BAIAP2: variants seen among roughly 807,000 people sequenced by gnomAD.
The protein encoded by BAIAP2 is BAR/IMD domain containing adaptor protein 2, also known as BAR/IMD domain-containing adapter protein 2.
A neutral mutation model predicts 63.0 loss-of-function variants in BAIAP2; 18 were observed. The observed-to-expected ratio is 0.29, with a 90% CI of 0.20 to 0.42. BAIAP2 has a LOEUF of 0.42. Among genes scored for constraint, BAIAP2 ranks in the 10% least tolerant of loss-of-function variants. The pLI is 1.00. For missense variants in BAIAP2, 610 were observed against 734.3 expected, an observed-to-expected ratio of 0.83 and a Z score of 1.96; for synonymous variants, 386 against 307.6, an observed-to-expected ratio of 1.25 and a Z score of -2.67.
chr17:81,090,862 C>A (rs2056609540), intron 6 of BAIAP2, among the ~76,000 whole-genome samples: 1 of 152,226 alleles, frequency 6.6e-6, no homozygotes, highest in South Asian at 2.1e-4. Context: ...CTGCTGGTTC[C>A]CATTGCCTTT....
intron 3 of BAIAP2, among the ~76,000 whole-genome samples, chr17:81,072,952 C>T (rs553996113): frequency 2.6e-5 from 4 of 152,032 alleles, no homozygotes; most frequent in Non-Finnish European, 5.9e-5. Context: ...CAAACATGCA[C>T]GCTTCCCTGA....
At chr17:81,095,636 T>C (rs1284351974) in intron 6 of BAIAP2, among the ~76,000 whole-genome samples, 1 of 151,618 alleles carries the variant, frequency 6.6e-6, no homozygotes, top group Non-Finnish European at 1.5e-5. Flanking sequence ...AGGTGTCAGC[T>C]CCCCCCGTCC....
chr17:81,067,788 C>T (rs1329588775), intron 3 of BAIAP2, among the ~76,000 whole-genome samples: 1 of 152,242 alleles, frequency 6.6e-6, no homozygotes, highest in Non-Finnish European at 1.5e-5. Flanking sequence ...CTCAGCCGGC[C>T]AGAGCAGGGA....
chr17:81,114,358 G>A (rs1169905691), intron 13 of BAIAP2, among the ~76,000 whole-genome samples: 1 of 152,038 alleles, frequency 6.6e-6, no homozygotes, highest in East Asian at 1.9e-4. Context: ...CCTTAGGAGT[G>A]GGTCTAGCCT....
At chr17:81,082,148 T>A (rs1367089903) in intron 3 of BAIAP2, among the ~76,000 whole-genome samples, 2 of 151,524 alleles carry the variant, frequency 1.3e-5, no homozygotes, top group Non-Finnish European at 2.9e-5. Flanking sequence ...GTGGCCAGAG[T>A]GGGTAGCGGC....
In BAIAP2 at chr17:81,057,973, A is replaced by ACCCC. The variant is rs60972273; in HGVS notation, c.217+19_217+22dup. On this transcript the variant is annotated splice_region_variant and intron_variant, in intron 3 of 13. Transcript: ENST00000428708. ...CCAGGGCTCCAAAGAACTCGGTGAG[A>ACCCC]CCCCCCCCCCCCCCCCGCCTGGTAG... 19 of 765,836 alleles carry ACCCC rather than the reference A, an allele frequency of 2.5e-5. No homozygotes were observed. The highest frequency in any genetic ancestry group is 9.7e-5 in the South Asian group (4 of 41,256). The allele number at this position is 765,836 out of a possible 1,614,324, so 47.4% of individuals were successfully genotyped here. A position where few individuals can be genotyped will look rare whatever the true frequency, so the allele number is the denominator to read the frequency against.
intron 3 of BAIAP2, among the ~76,000 whole-genome samples, chr17:81,071,990 C>T (rs901577397): frequency 2.6e-5 from 4 of 152,260 alleles, no homozygotes; most frequent in Non-Finnish European, 5.9e-5. Context: ...CCCCCTCCCC[C>T]TCTGCTTCCG....
In BAIAP2 at chr17:81,055,569, G is replaced by GGTTTTTTTTTTTTTTTTTT. The variant is rs138656369; in HGVS notation, c.130+1826_130+1827insGTTTTTTTTTTTTTTTTTT. ...TTCCTCCAGCGAAAGTCTGCAGGGT[G>GGTTTTTTTTTTTTTTTTTT]TTTTGTTTTTTTTTGAGACGGAGTC... On this transcript the variant is annotated intron_variant, in intron 2 of 13. Transcript: ENST00000428708. Among the ~76,000 whole-genome samples, 33 of 94,052 alleles carry GGTTTTTTTTTTTTTTTTTT rather than the reference G, an allele frequency of 3.5e-4. 5 individuals carry two copies. Among genetic ancestry groups the GGTTTTTTTTTTTTTTTTTT allele is most frequent in the South Asian group, 2.1e-3 (5 of 2,396 alleles). The allele number at this position is 94,052 out of a possible 152,430, so 61.7% of individuals were successfully genotyped here. A position where few individuals can be genotyped will look rare whatever the true frequency, so the allele number is the denominator to read the frequency against.
chr17:81,052,303 T>G (rs966746380), intron 1 of BAIAP2, among the ~76,000 whole-genome samples: 1 of 152,262 alleles, frequency 6.6e-6, no homozygotes. Context: ...TAGTCCTGCC[T>G]TCCCTCGGGA....
chr17:81,113,647 T>C (rs2060167480), intron 13 of BAIAP2, among the ~76,000 whole-genome samples: 1 of 151,374 alleles, frequency 6.6e-6, no homozygotes, highest in Non-Finnish European at 1.5e-5. Context: ...CAGGCTGAGA[T>C]TGGACACAGC....
intron 1 of BAIAP2, among the ~76,000 whole-genome samples, chr17:81,041,384 C>T (rs74002004): frequency 0.012 from 1,862 of 152,248 alleles, 42 homozygotes; most frequent in African/African-American, 0.043. Flanking sequence ...GTGGGATGCA[C>T]GCGGCACCAT....
chr17:81,080,151 C>T (rs2054353795), intron 3 of BAIAP2, among the ~76,000 whole-genome samples: 1 of 152,218 alleles, frequency 6.6e-6, no homozygotes, highest in Non-Finnish European at 1.5e-5. Flanking sequence ...TCCTTAGGGG[C>T]CTGGTGCTCC....
At position 81,105,854 on chromosome 17, in the gene BAIAP2, C is replaced by G. The variant is rs942852589; in HGVS notation, c.1269-224C>G. Reference sequence around the variant, plus strand: ...CAGTTGGGTCTGGTGGGGCCGGCAGCTCCCACCAGGTTGAGGACAGCCCGG... The same window carrying G: ...CAGTTGGGTCTGGTGGGGCCGGCAGGTCCCACCAGGTTGAGGACAGCCCGG... On this transcript the variant is annotated intron_variant, in intron 10 of 13. Coordinates refer to ENST00000428708, the MANE Select transcript of BAIAP2 (RefSeq NM_001144888.2). The G allele has an allele frequency of 2.4e-5, 12 of 493,628 alleles. No individual in the cohort carries two copies. The Admixed American group carries it at 2.5e-4, about 10-fold the overall frequency. The allele number at this position is 493,628 out of a possible 1,614,324, so 30.6% of individuals were successfully genotyped here.
At chr17:81,113,957 ACTT>A (rs1282267019) in intron 13 of BAIAP2, among the ~76,000 whole-genome samples, 2 of 91,154 alleles carry the variant, frequency 2.2e-5, no homozygotes, top group Non-Finnish European at 4.6e-5. Context: ...CTGGGAACCC[ACTT>A]TTTTTTTTTT....
At chr17:81,093,837 G>A (rs2057207134) in intron 6 of BAIAP2, among the ~76,000 whole-genome samples, 1 of 152,198 alleles carries the variant, frequency 6.6e-6, no homozygotes, top group South Asian at 2.1e-4. Context: ...CAGGGCCGGT[G>A]ATCGCCAGCG....
intron 13 of BAIAP2, among the ~76,000 whole-genome samples, chr17:81,111,310 C>T (rs904980244): frequency 3.3e-5 from 5 of 152,250 alleles, no homozygotes; most frequent in Non-Finnish European, 5.9e-5. Flanking sequence ...AGCTGCAGCC[C>T]GGGCCTTTCC....
At chr17:81,079,276 C>T (rs931360547) in intron 3 of BAIAP2, among the ~76,000 whole-genome samples, 2 of 152,200 alleles carry the variant, frequency 1.3e-5, no homozygotes, top group African/African-American at 4.8e-5. Flanking sequence ...GGAGGCTGGG[C>T]TCCCTGGTCA....
chr17:81,055,567 G>GTTTTTTTTTTTT, intron 2 of BAIAP2, among the ~76,000 whole-genome samples: 1 of 17,630 alleles, frequency 5.7e-5, no homozygotes, highest in Middle Eastern at 0.028. Context: ...AGTCTGCAGG[G>GTTTTTTTTTTTT]TGTTTTGTTT....
chr17:81,082,191 C>T (rs986539444), intron 3 of BAIAP2, among the ~76,000 whole-genome samples: 2 of 152,078 alleles, frequency 1.3e-5, no homozygotes, highest in East Asian at 1.9e-4. Flanking sequence ...GAGGGAGACT[C>T]GGGTCACGGC....
Sources: gnomAD v4.1 joint callset for allele counts (sites outside exome capture counted in the v4.1 genomes callset) on GRCh38, gnomAD v4.1.1 for gene constraint, MANE v1.5 for transcripts, NCBI Gene and HGNC (gene_info 2026-07-23, HGNC 2026-07-21) for gene names.